Variants in RBFOX3 observed in about 807,000 individuals in gnomAD.
The protein encoded by RBFOX3 is RNA binding protein fox-1 homolog 3.
Under a neutral mutation model 48.7 loss-of-function variants are expected in RBFOX3, and 17 were observed. That is an observed-to-expected ratio of 0.35 (90% CI 0.24 to 0.52). RBFOX3 has a LOEUF of 0.52. RBFOX3 is among the 20% of genes least tolerant of loss of function. The pLI, the probability that RBFOX3 is intolerant of heterozygous loss-of-function variation, is 0.94. For missense variants in RBFOX3, 382 were observed against 497.5 expected (o/e 0.77, Z 2.21); for synonymous variants, 212 against 209.5 (o/e 1.01, Z -0.10).
chr17:79,602,764 G>A lies in RBFOX3; in HGVS notation c.-320+8062C>T, dbSNP rs1176076846. 2.0e-5 allele frequency among the ~76,000 whole-genome samples: 3 copies of A among 152,162 alleles called. No homozygotes were observed. In the South Asian group the frequency reaches 6.2e-4, roughly 32 times the overall value. ...ATATCCACACGGAAGGCAGGGGTGA[G>A]CTGGAATCCCTCAGCCTGCGCGGTA... On this transcript the variant is annotated intron_variant, in intron 1 of 14. Transcript: ENST00000693108.
At chr17:79,097,228 C>T in intron 11 of RBFOX3, 64 bp downstream of exon 11, 2 of 1,399,422 alleles carry the variant, frequency 1.4e-6, no homozygotes, top group Non-Finnish European at 1.9e-6. Context: ...GCAGGGCCTC[C>T]CCATTTCCCT....
At chr17:79,106,333 T>C (rs1429462229) in intron 6 of RBFOX3, among the ~76,000 whole-genome samples, 1 of 152,048 alleles carries the variant, frequency 6.6e-6, no homozygotes, top group Non-Finnish European at 1.5e-5. Flanking sequence ...AGGAAACCCC[T>C]GAGCTCAGGT....
intron 3 of RBFOX3, among the ~76,000 whole-genome samples, chr17:79,292,583 T>C (rs112339407): frequency 0.021 from 1,345 of 63,480 alleles, 8 homozygotes; most frequent in Middle Eastern, 0.061. Context: ...CACACACACA[T>C]GCACACACAC....
intron 1 of RBFOX3, among the ~76,000 whole-genome samples, chr17:79,605,007 C>T (rs1404995078): frequency 3.3e-5 from 5 of 152,176 alleles, no homozygotes; most frequent in African/African-American, 1.2e-4. Flanking sequence ...ATCTTCATCC[C>T]TGGGTCTCAC....
intron 4 of RBFOX3, among the ~76,000 whole-genome samples, chr17:79,176,272 A>T (rs2145910363): frequency 6.6e-6 from 1 of 152,192 alleles, no homozygotes; most frequent in East Asian, 1.9e-4. Context: ...CCCAGCAGAG[A>T]CAAGACTTGC....
At chr17:79,347,488 C>G (rs911973679) in intron 2 of RBFOX3, among the ~76,000 whole-genome samples, 2 of 152,126 alleles carry the variant, frequency 1.3e-5, no homozygotes, top group Non-Finnish European at 2.9e-5. Context: ...CACATGTTAA[C>G]AACTTAACAT....
chr17:79,607,499 C>G (rs2093859742), intron 1 of RBFOX3, among the ~76,000 whole-genome samples: 1 of 152,170 alleles, frequency 6.6e-6, no homozygotes, highest in Non-Finnish European at 1.5e-5. Context: ...ACATGTTTTC[C>G]TCTCTTTACT....
chr17:79,579,703 C>T (rs1213609640), intron 1 of RBFOX3, among the ~76,000 whole-genome samples: 1 of 145,762 alleles, frequency 6.9e-6, no homozygotes, highest in African/African-American at 2.5e-5. Context: ...GGGGAAGTCA[C>T]TGGCGCCATG....
rs942115508 is a variant in RBFOX3, at chr17:79,480,190, G to A, written c.-175+2264C>T. Among the ~76,000 whole-genome samples the A allele has an allele frequency of 6.6e-6, 1 of 152,200 alleles. No individual in the cohort carries two copies. Among genetic ancestry groups the A allele is most frequent in the Non-Finnish European group, 1.5e-5 (1 of 68,044 alleles). On this transcript the variant is annotated intron_variant, in intron 2 of 14. Coordinates refer to ENST00000693108, the MANE Select transcript of RBFOX3 (RefSeq NM_001350451.2). The surrounding 1 kb of genome is among the most constrained non-coding windows in gnomAD (Gnocchi z 4.8). Reference sequence around the variant, plus strand: ...TTCTCTGTCCCATACAGGCTGGGGTGTGTGGCCTTCCTATCTGGGCTCCCC... The same window carrying A: ...TTCTCTGTCCCATACAGGCTGGGGTATGTGGCCTTCCTATCTGGGCTCCCC...
chr17:79,416,415 T>C (rs1555719064), intron 2 of RBFOX3, among the ~76,000 whole-genome samples: 3 of 152,194 alleles, frequency 2.0e-5, no homozygotes, highest in African/African-American at 7.2e-5. Context: ...AGGCATAGTA[T>C]AGGGCAAGGA....
chr17:79,596,311 G>C lies in RBFOX3; in HGVS notation c.-320+14515C>G, dbSNP rs2093568425. 2.0e-5 allele frequency among the ~76,000 whole-genome samples: 3 copies of C among 152,364 alleles called. No individual in the cohort carries two copies. The South Asian group carries it at 6.2e-4, about 32-fold the overall frequency. On this transcript the variant is annotated intron_variant, in intron 1 of 14. Transcript: ENST00000693108. ...CAGGGCCCATTTCCTCTCTGGGCCA[G>C]AAACCACAGTGGCTTTCCTGCAGAT...
intron 2 of RBFOX3, among the ~76,000 whole-genome samples, chr17:79,475,611 G>A (rs2077619942): frequency 6.6e-6 from 1 of 152,186 alleles, no homozygotes; most frequent in Non-Finnish European, 1.5e-5. Flanking sequence ...CCGATCCAAT[G>A]ACTGGTGTCC....
Position 79,503,922 on chromosome 17 carries a change from T to G in RBFOX3, c.-319-21324A>C, listed in dbSNP as rs939660677. On this transcript the variant is annotated intron_variant, in intron 1 of 14. Transcript: ENST00000693108. ...GGGATGCAAAACCCTTCCTCCCGACTTAGACTCCAGCGGAGCTTGTGCACA... is the reference window on the plus strand; with the variant it reads ...GGGATGCAAAACCCTTCCTCCCGACGTAGACTCCAGCGGAGCTTGTGCACA... Among the ~76,000 whole-genome samples, 242 of 152,306 alleles carry G rather than the reference T, an allele frequency of 1.6e-3. 1 individual carries two copies. The highest frequency in any genetic ancestry group is 5.8e-3 in the African/African-American group (240 of 41,562).
chr17:79,584,034 G>A (rs971844293), intron 1 of RBFOX3, among the ~76,000 whole-genome samples: 1 of 152,196 alleles, frequency 6.6e-6, no homozygotes, highest in Admixed American at 6.5e-5. Context: ...GGAGAATGCT[G>A]GGAGAGGAGG....
At chr17:79,151,127 G>C (rs2044320447) in intron 4 of RBFOX3, among the ~76,000 whole-genome samples, 1 of 152,112 alleles carries the variant, frequency 6.6e-6, no homozygotes, top group East Asian at 2.0e-4. Flanking sequence ...CGCAGATTCT[G>C]GGTTTGATCC....
chr17:79,319,081 A>AG (rs990845019), intron 2 of RBFOX3, among the ~76,000 whole-genome samples: 3 of 151,802 alleles, frequency 2.0e-5, no homozygotes, highest in Non-Finnish European at 4.4e-5. Flanking sequence ...GGGTGGGCGG[A>AG]GGGAAAGGAA....
At chr17:79,255,063 T>C (rs2064554463) in intron 3 of RBFOX3, among the ~76,000 whole-genome samples, 1 of 152,128 alleles carries the variant, frequency 6.6e-6, no homozygotes, top group African/African-American at 2.4e-5. Flanking sequence ...TGTATCTGCT[T>C]GGCCTCCCCT....
intron 3 of RBFOX3, among the ~76,000 whole-genome samples, chr17:79,306,161 T>A (rs957605703): frequency 3.3e-5 from 5 of 152,204 alleles, no homozygotes; most frequent in Non-Finnish European, 7.3e-5. Context: ...TGCAGCCAGA[T>A]AACGCCAGCC....
intron 3 of RBFOX3, among the ~76,000 whole-genome samples, chr17:79,284,180 T>C (rs2071294714): frequency 6.6e-6 from 1 of 152,212 alleles, no homozygotes; most frequent in Non-Finnish European, 1.5e-5. Flanking sequence ...AGATGCCTTC[T>C]ACAGGACAGT....
Sources: allele counts gnomAD v4.1 joint callset (sites outside exome capture counted in the v4.1 genomes callset), GRCh38; gene constraint gnomAD v4.1.1; non-coding constraint Gnocchi (gnomAD v3.1); transcripts MANE v1.5; gene names NCBI Gene and HGNC (gene_info 2026-07-23, HGNC 2026-07-21).